NBAS: variants seen among roughly 807,000 people sequenced by gnomAD.
NBAS encodes NAG/BC035112 fusion.
Under a neutral mutation model 302.5 loss-of-function variants are expected in NBAS, and 219 were observed. That is an observed-to-expected ratio of 0.72 (90% CI 0.65 to 0.81). The LOEUF (loss-of-function observed/expected upper bound fraction) is 0.81. Ranked by LOEUF, NBAS falls within the 30% of genes least tolerant of loss-of-function variation. The pLI is 0.00. For synonymous variants in NBAS, 1,118 were observed against 1,021.6 expected, an observed-to-expected ratio of 1.09 and a Z score of -1.80; for missense variants, 2,932 against 2,841.6, an observed-to-expected ratio of 1.03 and a Z score of -0.72.
At chr2:14,792,896 A>T in the NBAS span, among the ~76,000 whole-genome samples, 1 of 152,182 alleles carries the variant, frequency 6.6e-6, no homozygotes, top group African/African-American at 2.4e-5. Flanking sequence ...GTGTCAGCCT[A>T]AAATTATATG....
the NBAS span, among the ~76,000 whole-genome samples, chr2:14,874,395 G>C: frequency 1.3e-4 from 19 of 151,426 alleles, no homozygotes; most frequent in African/African-American, 4.6e-4. Context: ...GGGAGGCCAA[G>C]GTGGGCAGAT....
chr2:14,909,366 T>TA, the NBAS span, among the ~76,000 whole-genome samples: 1,064 of 78,400 alleles, frequency 0.014, 49 homozygotes, highest in East Asian at 0.025. Flanking sequence ...GGAGAGTTTC[T>TA]AAAAAAAAAA....
chr2:15,262,330 C>T (rs1304000317), intron 44 of NBAS, among the ~76,000 whole-genome samples: 1 of 152,220 alleles, frequency 6.6e-6, no homozygotes, highest in East Asian at 1.9e-4. Context: ...GCTGCTTGCA[C>T]AGCCAGCCCT....
chr2:15,365,458 A>C (rs1674152311), intron 32 of NBAS, among the ~76,000 whole-genome samples: 1 of 152,198 alleles, frequency 6.6e-6, no homozygotes, highest in South Asian at 2.1e-4. Flanking sequence ...GAAAGGGGGT[A>C]TCATTCCTAT....
chr2:15,345,447 G>A (rs1673045218), intron 35 of NBAS, among the ~76,000 whole-genome samples: 1 of 152,080 alleles, frequency 6.6e-6, no homozygotes, highest in Non-Finnish European at 1.5e-5. Flanking sequence ...AGTTAACAAG[G>A]GATGTGAAGG....
At chr2:15,360,345 AAC>A (rs755338183) in intron 32 of NBAS, among the ~76,000 whole-genome samples, 5,217 of 127,070 alleles carry the variant, frequency 0.041, 114 homozygotes, top group Non-Finnish European at 0.066. Context: ...AAAAAAAAAA[AAC>A]AAAACAAAAC....
At chr2:15,159,966 T>C in the NBAS span, among the ~76,000 whole-genome samples, 2 of 152,284 alleles carry the variant, frequency 1.3e-5, no homozygotes, top group Non-Finnish European at 2.9e-5. Flanking sequence ...CTCTGTAAGA[T>C]GCATTTCAAA....
the NBAS span, among the ~76,000 whole-genome samples, chr2:15,010,389 A>T: frequency 1.3e-5 from 2 of 152,224 alleles, no homozygotes; most frequent in Admixed American, 1.3e-4. Context: ...GTATTATGTT[A>T]GTGTGAGAAA....
intron 40 of NBAS, among the ~76,000 whole-genome samples, chr2:15,296,410 C>A (rs977433329): frequency 6.6e-6 from 1 of 152,048 alleles, no homozygotes; most frequent in Non-Finnish European, 1.5e-5. Flanking sequence ...GGTGTGGTGG[C>A]ACTCACCTGT....
At chr2:15,120,020 C>T in the NBAS span, among the ~76,000 whole-genome samples, 1 of 152,138 alleles carries the variant, frequency 6.6e-6, no homozygotes, top group South Asian at 2.1e-4. Context: ...GGCAGGTGGA[C>T]GGGCACACCT....
At chr2:15,002,489 C>T in the NBAS span, among the ~76,000 whole-genome samples, 2 of 152,162 alleles carry the variant, frequency 1.3e-5, no homozygotes, top group Admixed American at 6.5e-5. Context: ...GATCCCGCAC[C>T]GGGACTGCAG....
intron 38 of NBAS, among the ~76,000 whole-genome samples, chr2:15,317,527 TAG>T (rs376016299): frequency 2.9e-4 from 44 of 152,304 alleles, no homozygotes; most frequent in African/African-American, 1.1e-3. Flanking sequence ...AATGTCTAAC[TAG>T]AATAAACAGT....
At chr2:14,999,809 C>T in the NBAS span, among the ~76,000 whole-genome samples, 1 of 152,134 alleles carries the variant, frequency 6.6e-6, no homozygotes, top group Non-Finnish European at 1.5e-5. Flanking sequence ...AAGCAGAAGA[C>T]CTAAATTTAT....
At chr2:15,203,880 G>GTGTGTGCC in intron 48 of NBAS, among the ~76,000 whole-genome samples, 1 of 131,068 alleles carries the variant, frequency 7.6e-6, no homozygotes, top group South Asian at 2.4e-4. Context: ...CTGTGTGTGT[G>GTGTGTGCC]TGTGTGTGCT....
At chr2:14,870,793 C>G in the NBAS span, among the ~76,000 whole-genome samples, 2 of 151,828 alleles carry the variant, frequency 1.3e-5, no homozygotes, top group East Asian at 1.9e-4. Context: ...AAAAATCAAC[C>G]CATGGAAGCA....
chr2:15,217,118 C>T (rs1024438687), intron 48 of NBAS, among the ~76,000 whole-genome samples: 5 of 152,210 alleles, frequency 3.3e-5, no homozygotes, highest in Non-Finnish European at 7.3e-5. Context: ...GTGGCCTATG[C>T]CTTCGTGTCC....
chr2:15,040,077 C>A, the NBAS span, among the ~76,000 whole-genome samples: 2 of 152,210 alleles, frequency 1.3e-5, no homozygotes, highest in African/African-American at 4.8e-5. Flanking sequence ...GCTGCCCCTG[C>A]AGCCCAACCC....
the NBAS span, among the ~76,000 whole-genome samples, chr2:15,120,720 C>T: frequency 6.6e-6 from 1 of 152,314 alleles, no homozygotes; most frequent in East Asian, 1.9e-4. Context: ...TCCCAGGAAG[C>T]TCTGAGCCCC....
the NBAS span, among the ~76,000 whole-genome samples, chr2:14,808,799 A>G: frequency 6.6e-6 from 1 of 152,210 alleles, no homozygotes; most frequent in African/African-American, 2.4e-5. Flanking sequence ...AAATGTGGGA[A>G]AGTTTGAAAC....
Sources: allele counts gnomAD v4.1 joint callset (sites outside exome capture counted in the v4.1 genomes callset), GRCh38; gene constraint gnomAD v4.1.1; transcripts MANE v1.5; gene names NCBI Gene and HGNC (gene_info 2026-07-23, HGNC 2026-07-21).